MYBL2: variants seen among roughly 807,000 people sequenced by gnomAD.
MYBL2 encodes the protein myb-related protein B.
In MYBL2, 28 loss-of-function variants were observed where a neutral mutation model predicts 79.9. The observed-to-expected ratio is 0.35, with a 90% confidence interval of 0.26 to 0.48. MYBL2 has a LOEUF of 0.48. Among genes scored for constraint, MYBL2 ranks in the 20% least tolerant of loss-of-function variants. MYBL2 has a pLI of 0.99. For synonymous variants in MYBL2, 378 were observed against 361.2 expected, an observed-to-expected ratio of 1.05 and a Z score of -0.53; for missense variants, 735 against 893.9, an observed-to-expected ratio of 0.82 and a Z score of 2.27.
chr20:43,680,280 G>A (rs549326884), intron 2 of MYBL2, among the ~76,000 whole-genome samples: 1 of 152,048 alleles, frequency 6.6e-6, no homozygotes, highest in Admixed American at 6.5e-5. Flanking sequence ...CACCTGCCTC[G>A]GCCTCCTGAA....
At chr20:43,673,005 A>G (rs1391472449) in intron 1 of MYBL2, among the ~76,000 whole-genome samples, 3 of 152,154 alleles carry the variant, frequency 2.0e-5, no homozygotes, top group South Asian at 2.1e-4. Flanking sequence ...GTGCAGTGAC[A>G]TGATCTCGGC....
At chr20:43,712,569 C>T (rs1364578340) in intron 11 of MYBL2, among the ~76,000 whole-genome samples, 1 of 152,072 alleles carries the variant, frequency 6.6e-6, no homozygotes, top group Non-Finnish European at 1.5e-5. Flanking sequence ...ATGGGGCGTT[C>T]CTTGATTGTA....
chr20:43,685,428 G>A (rs540902778), intron 4 of MYBL2, among the ~76,000 whole-genome samples: 4 of 151,752 alleles, frequency 2.6e-5, no homozygotes, highest in Non-Finnish European at 5.9e-5. Context: ...TGATCCACCT[G>A]CCTCGACCTC....
At chr20:43,670,425 C>A (rs897342537) in intron 1 of MYBL2, among the ~76,000 whole-genome samples, 4 of 152,126 alleles carry the variant, frequency 2.6e-5, no homozygotes, top group African/African-American at 7.2e-5. Context: ...TTTCCTATTT[C>A]TGAAAATTTT....
rs368666243 is a variant in MYBL2, at chr20:43,699,907, G to C, written c.814G>C (p.Glu272Gln). The part of the protein sequence containing the change: ...DAVRTPEPLE[E>Q]FPKREDQEGS... ...AGTGCGAACACCAGAGCCCTTGGAG[G>C]AATTCCCGAAGCGTGAGGACCAGGA... The change falls in exon 7 of 14, where the codon GAA (glutamate) becomes CAA (glutamine). Residue 272 changes from glutamate (E) to glutamine (Q), a missense_variant. By Grantham distance (29) the Glu-to-Gln change is conservative. Around this residue, in one of 5 missense-constraint regions of MYBL2, gnomAD observed 144 missense variants for 131.9 expected, o/e 1.09. Transcript: ENST00000217026. 86 of 1,614,094 alleles carry C rather than the reference G, an allele frequency of 5.3e-5. No individual in the cohort carries two copies. The highest frequency in any genetic ancestry group is 6.4e-5 in the Non-Finnish European group (76 of 1,179,992).
At chr20:43,668,321 T>C (rs285204) in intron 1 of MYBL2, among the ~76,000 whole-genome samples, 136,819 of 151,652 alleles carry the variant, frequency 0.9, 61,922 homozygotes, top group African/African-American at 0.97. Context: ...CTGCCTCAGC[T>C]TCCCGAGTAG....
At chr20:43,709,829 G>A in intron 9 of MYBL2, 134 bp from the exon 10 acceptor site, 2 of 684,476 alleles carry the variant, frequency 2.9e-6, no homozygotes, top group Admixed American at 5.5e-5. Context: ...GGACCTGCAG[G>A]GTGGGGAGAG....
At position 43,715,263 on chromosome 20, in the gene MYBL2, C is replaced by G. The variant is rs1292811269; in HGVS notation, c.1954C>G (p.His652Asp). Residue 652 changes from histidine to aspartate, a missense_variant, in exon 13 of 14, where the codon CAC becomes GAC. Physicochemically the swap from His to Asp is moderately conservative, Grantham distance 81. Around this residue, in one of 5 missense-constraint regions of MYBL2, gnomAD observed 204 missense variants for 202.9 expected, o/e 1.01. Transcript: ENST00000217026. Reference sequence around the variant, plus strand: ...AGCAGTGGCCCAGAAGCCCCGAAGCCACTTCACGACACCTGCCCCTGTGAG... The same window carrying G: ...AGCAGTGGCCCAGAAGCCCCGAAGCGACTTCACGACACCTGCCCCTGTGAG... ...KAAVAQKPRSHFTTPAPMSSA... is the reference protein window; with the variant it reads ...KAAVAQKPRSDFTTPAPMSSA... 5.6e-6 allele frequency: 9 copies of G among 1,614,100 alleles called. No individual in the cohort carries two copies. The highest frequency in any genetic ancestry group is 7.6e-6 in the Non-Finnish European group (9 of 1,180,048).
chr20:43,687,510 C>T (rs1987305752), intron 5 of MYBL2, among the ~76,000 whole-genome samples: 1 of 152,018 alleles, frequency 6.6e-6, no homozygotes, highest in Non-Finnish European at 1.5e-5. Flanking sequence ...TTTTCTTTTT[C>T]TTAAAAGGTT....
chr20:43,672,816 T>C (rs906221477), intron 1 of MYBL2, among the ~76,000 whole-genome samples: 7 of 152,158 alleles, frequency 4.6e-5, no homozygotes, highest in African/African-American at 9.7e-5. Flanking sequence ...AACTAATATC[T>C]CTTAAAATCT....
intron 4 of MYBL2, 53 bp from the exon 5 acceptor site, chr20:43,686,799 T>C (rs1038324949): frequency 1.3e-4 from 204 of 1,559,190 alleles, no homozygotes; most frequent in Non-Finnish European, 1.8e-4. Context: ...AGGGCTATGG[T>C]GGGGGCGAGA....
At chr20:43,678,443 G>T (rs1034732217) in intron 2 of MYBL2, among the ~76,000 whole-genome samples, 2 of 152,172 alleles carry the variant, frequency 1.3e-5, no homozygotes, top group African/African-American at 4.8e-5. Context: ...AGGTTAGCTT[G>T]GTTTTTGGAT....
intron 4 of MYBL2, 48 bp from the exon 5 acceptor site, chr20:43,686,804 G>C (rs376706755): frequency 4.1e-5 from 64 of 1,576,162 alleles, no homozygotes; most frequent in Non-Finnish European, 5.4e-5. Flanking sequence ...TATGGTGGGG[G>C]CGAGAGAGGG....
chr20:43,685,202 T>C (rs867366940), intron 4 of MYBL2, among the ~76,000 whole-genome samples: 1 of 151,110 alleles, frequency 6.6e-6, no homozygotes, highest in Non-Finnish European at 1.5e-5. Context: ...ATTTTTGAGA[T>C]GGAGTTTCGC....
chr20:43,691,708 T>A (rs1162681400), intron 5 of MYBL2, among the ~76,000 whole-genome samples: 1 of 151,958 alleles, frequency 6.6e-6, no homozygotes, highest in East Asian at 1.9e-4. Flanking sequence ...CCTGGCTAAT[T>A]TTGTATTTTT....
intron 2 of MYBL2, among the ~76,000 whole-genome samples, chr20:43,675,340 T>C (rs560964772): frequency 6.6e-6 from 1 of 151,420 alleles, no homozygotes; most frequent in Admixed American, 6.6e-5. Flanking sequence ...TTTTTTGAGA[T>C]GGAGTCTCTG....
At chr20:43,680,533 T>C (rs1987118978) in intron 2 of MYBL2, among the ~76,000 whole-genome samples, 1 of 152,190 alleles carries the variant, frequency 6.6e-6, no homozygotes, top group Non-Finnish European at 1.5e-5. Flanking sequence ...ACTCTTGCTC[T>C]GTTGCCGAGG....
At chr20:43,669,976 C>T (rs754036377) in intron 1 of MYBL2, among the ~76,000 whole-genome samples, 11 of 152,152 alleles carry the variant, frequency 7.2e-5, no homozygotes, top group Non-Finnish European at 1.2e-4. Context: ...TGGTGGTAGG[C>T]GCCTGTAAGC....
intron 6 of MYBL2, among the ~76,000 whole-genome samples, chr20:43,699,137 C>T (rs1261615322): frequency 6.6e-6 from 1 of 152,202 alleles, no homozygotes; most frequent in African/African-American, 2.4e-5. Flanking sequence ...CTCCCAGGTT[C>T]AAGCAATTCT....
Sources: allele counts gnomAD v4.1 joint callset (sites outside exome capture counted in the v4.1 genomes callset), GRCh38; gene constraint gnomAD v4.1.1; regional missense constraint gnomAD v4.1.1; transcripts MANE v1.5; gene names NCBI Gene and HGNC (gene_info 2026-07-23, HGNC 2026-07-21).